KALRN: variants seen among roughly 807,000 people sequenced by gnomAD.
KALRN encodes the protein kalirin RhoGEF kinase, also known as kalirin.
In KALRN, 70 loss-of-function variants were observed where a neutral mutation model predicts 353.7. The observed-to-expected ratio is 0.20, with a 90% CI of 0.16 to 0.24. KALRN has a LOEUF of 0.24. KALRN is among the 10% of genes least tolerant of loss of function. KALRN has a pLI of 1.00. For missense variants in KALRN, 2,791 were observed against 3,756.7 expected (o/e 0.74, Z 6.72); for synonymous variants, 1,391 against 1,434.8 (o/e 0.97, Z 0.69).
At chr3:124,343,047 A>C (rs1248032153) in intron 9 of KALRN, among the ~76,000 whole-genome samples, 1 of 152,208 alleles carries the variant, frequency 6.6e-6, no homozygotes, top group Non-Finnish European at 1.5e-5. Context: ...ATCTATAGAC[A>C]CTGCCATTGG....
At chr3:124,592,089 T>C (rs1001672697) in intron 34 of KALRN, among the ~76,000 whole-genome samples, 1 of 151,828 alleles carries the variant, frequency 6.6e-6, no homozygotes, top group Admixed American at 6.6e-5. Flanking sequence ...TCACCTGAGG[T>C]TGGGAGTTCA....
At chr3:124,100,388 A>G (rs1012105661) in intron 1 of KALRN, 1 of 152,202 alleles carries the variant, frequency 6.6e-6, no homozygotes, top group Non-Finnish European at 1.5e-5. Context: ...AGTTTCAACA[A>G]GGGTGCCAAG....
At chr3:124,213,582 G>A (rs972213022) in intron 1 of KALRN, among the ~76,000 whole-genome samples, 1 of 151,910 alleles carries the variant, frequency 6.6e-6, no homozygotes, top group Admixed American at 6.6e-5. Context: ...GGCACATAGG[G>A]GGTACTAAGA....
At chr3:124,220,692 C>T (rs1319544562) in intron 1 of KALRN, among the ~76,000 whole-genome samples, 1 of 152,174 alleles carries the variant, frequency 6.6e-6, no homozygotes, top group Non-Finnish European at 1.5e-5. Context: ...TCACATTGCA[C>T]TTTCATGGGG....
At chr3:124,381,672 G>T (rs895286) in intron 10 of KALRN, among the ~76,000 whole-genome samples, 1 of 151,932 alleles carries the variant, frequency 6.6e-6, no homozygotes, top group Non-Finnish European at 1.5e-5. Context: ...TCCAATTTTA[G>T]TCAGGTTGAC....
intron 1 of KALRN, among the ~76,000 whole-genome samples, chr3:124,128,879 G>A (rs1013582235): frequency 6.6e-6 from 1 of 152,044 alleles, no homozygotes; most frequent in Non-Finnish European, 1.5e-5. Context: ...AACATTGTGT[G>A]CTTGTTCCCT....
At chr3:124,073,317 T>C (rs1379261769) in intron 1 of KALRN, among the ~76,000 whole-genome samples, 1 of 152,206 alleles carries the variant, frequency 6.6e-6, no homozygotes, top group Non-Finnish European at 1.5e-5. Flanking sequence ...AAGCAGTAAA[T>C]GGCCCACTCC....
intron 15 of KALRN, among the ~76,000 whole-genome samples, chr3:124,424,354 T>G (rs16835403): frequency 0.042 from 6,438 of 152,314 alleles, 295 homozygotes; most frequent in East Asian, 0.19. Flanking sequence ...GAATTAAGCC[T>G]ACTGATTTAG....
chr3:124,229,710 G>C (rs2078951591), intron 2 of KALRN, among the ~76,000 whole-genome samples: 1 of 152,252 alleles, frequency 6.6e-6, no homozygotes, highest in Non-Finnish European at 1.5e-5. Flanking sequence ...CAGAGTGTAG[G>C]TGTGGGAGGT....
intron 59 of KALRN, 44 bp downstream of exon 59, chr3:124,717,429 G>C (rs200426583): frequency 6.8e-7 from 1 of 1,479,452 alleles, no homozygotes; most frequent in East Asian, 2.4e-5. Flanking sequence ...GCTCACGCCT[G>C]AAATCCCAGC....
At chr3:124,268,514 G>T in intron 4 of KALRN, 1 of 559,250 alleles carries the variant, frequency 1.8e-6, no homozygotes, top group Non-Finnish European at 3.2e-6. Context: ...GGTGGTAAAT[G>T]GCTGGCAGTT....
At chr3:124,413,393 T>C in intron 13 of KALRN, 77 bp from the exon 14 acceptor site, 1 of 1,229,094 alleles carries the variant, frequency 8.1e-7, no homozygotes, top group South Asian at 1.5e-5. Flanking sequence ...TGAATAAGGC[T>C]TGGAATTGTG....
chr3:124,256,574 T>C (rs1043661939), intron 3 of KALRN, among the ~76,000 whole-genome samples: 7 of 152,210 alleles, frequency 4.6e-5, no homozygotes, highest in African/African-American at 1.7e-4. Context: ...GGCTGCTAAA[T>C]TGTGATCTCT....
chr3:124,488,396 G>T, intron 29 of KALRN, 81 bp downstream of exon 29: 1 of 931,276 alleles, frequency 1.1e-6, no homozygotes. Context: ...GAAGTGGCAT[G>T]AAGTTAGACA....
rs2069578933 is a variant in KALRN, at chr3:124,545,882, C to G, written c.4936-16961C>G. Among the ~76,000 whole-genome samples the G allele has an allele frequency of 3.3e-5, 5 of 152,056 alleles. No individual in the cohort carries two copies. The South Asian group carries it at 1.0e-3, about 32-fold the overall frequency. On this transcript the variant is annotated intron_variant, in intron 33 of 59. Transcript: ENST00000682506. ...CGTCTTAACTCTGAAATCTCTCAGC[C>G]CAAGCTCAGAACATAACCCCACCCA... is the stretch of plus-strand genomic sequence containing the variant.
chr3:124,079,966 A>C, intron 1 of KALRN: 1 of 465,192 alleles, frequency 2.1e-6, no homozygotes, highest in South Asian at 1.6e-5. Context: ...TCATAGTTCC[A>C]TATTTATTAT....
intron 23 of KALRN, among the ~76,000 whole-genome samples, 175 bp downstream of exon 23, chr3:124,456,903 C>T (rs2059360599): frequency 6.6e-6 from 1 of 152,186 alleles, no homozygotes; most frequent in African/African-American, 2.4e-5. Context: ...TTTGAAGTCT[C>T]TCCAGTCTGT....
intron 1 of KALRN, among the ~76,000 whole-genome samples, chr3:124,038,410 G>T (rs1343565621): frequency 6.6e-6 from 1 of 152,126 alleles, no homozygotes; most frequent in East Asian, 1.9e-4. Context: ...ATCCAGAAAA[G>T]GAATTTTTGT....
intron 15 of KALRN, among the ~76,000 whole-genome samples, chr3:124,428,195 C>G (rs781027336): frequency 7.2e-5 from 11 of 152,158 alleles, no homozygotes; most frequent in Non-Finnish European, 1.5e-4. Flanking sequence ...TATCAGTGAT[C>G]AGAGTAAAAG....
Sources: gnomAD v4.1 joint callset for allele counts (sites outside exome capture counted in the v4.1 genomes callset) on GRCh38, gnomAD v4.1.1 for gene constraint, MANE v1.5 for transcripts, NCBI Gene and HGNC (gene_info 2026-07-23, HGNC 2026-07-21) for gene names.